The following INPP5F variants were observed in gnomAD, a reference collection of about 807,000 sequenced individuals.
INPP5F encodes phosphatidylinositide 4-phosphatase SAC2.
A neutral mutation model predicts 137.2 loss-of-function variants in INPP5F; 97 were observed. The ratio of observed to expected loss-of-function variants is 0.71; its 90% CI spans 0.60 to 0.84. The LOEUF is 0.84. Ranked by LOEUF, INPP5F falls within the 40% of genes least tolerant of loss-of-function variation. The probability of loss-of-function intolerance (pLI) is 0.00; values close to 1 mark genes in which losing one functional copy is unlikely to be tolerated. For missense variants in INPP5F, 1,271 were observed against 1,371.9 expected, an observed-to-expected ratio of 0.93 and a Z score of 1.16; for synonymous variants, 504 against 476.9, an observed-to-expected ratio of 1.06 and a Z score of -0.74.
At chr10:119,764,343 G>GCACA (rs71019713) in intron 2 of INPP5F, among the ~76,000 whole-genome samples, 2,386 of 150,842 alleles carry the variant, frequency 0.016, 67 homozygotes, top group African/African-American at 0.054. Flanking sequence ...ACAGGCGTGT[G>GCACA]CACACACACA....
intron 15 of INPP5F, 70 bp downstream of exon 15, chr10:119,812,025 G>A: frequency 8.2e-7 from 1 of 1,222,442 alleles, no homozygotes; most frequent in African/African-American, 1.5e-5. Flanking sequence ...GATTAACACT[G>A]GCAGTTGTCC....
chr10:119,798,441 G>T, intron 8 of INPP5F, 102 bp from the exon 9 acceptor site: 9 of 744,634 alleles, frequency 1.2e-5, no homozygotes, highest in South Asian at 3.8e-5. Flanking sequence ...AGTTCATTTG[G>T]GCTGTCAATA....
chr10:119,749,778 T>G lies in INPP5F; in HGVS notation c.98-1298T>G, dbSNP rs11199084. 1.6e-4 allele frequency among the ~76,000 whole-genome samples: 24 copies of G among 152,354 alleles called. No individual in the cohort carries two copies. In the East Asian group the frequency reaches 4.0e-3, roughly 26 times the overall value. ...AGCCTTTAAAAAATAAATTTCTTAT[T>G]TTGCTTTAATTCTTGCAATAAAAAC... On this transcript the variant is annotated intron_variant, in intron 1 of 19. Coordinates refer to ENST00000650623, the MANE Select transcript of INPP5F (RefSeq NM_014937.4).
At chr10:119,822,948 A>C (rs1423307562) in intron 17 of INPP5F, 123 bp from the exon 18 acceptor site, 1 of 927,854 alleles carries the variant, frequency 1.1e-6, no homozygotes, top group Non-Finnish European at 1.6e-6. Context: ...TGGTCACCAG[A>C]AGTTTGTATT....
intron 15 of INPP5F, among the ~76,000 whole-genome samples, chr10:119,813,021 T>C (rs970478198): frequency 2.0e-5 from 3 of 152,190 alleles, no homozygotes; most frequent in Admixed American, 1.3e-4. Flanking sequence ...TTTAAGAGGG[T>C]ATCAATATCA....
intron 15 of INPP5F, among the ~76,000 whole-genome samples, chr10:119,813,615 A>G (rs1851133989): frequency 6.6e-6 from 1 of 152,102 alleles, no homozygotes; most frequent in African/African-American, 2.4e-5. Flanking sequence ...ACAGAGTGAG[A>G]CCCTGTCTCA....
At position 119,726,192 on chromosome 10, in the gene INPP5F, C is replaced by T. The variant is rs1847877487; in HGVS notation, c.-71C>T. 4 of 970,056 alleles carry T rather than the reference C, an allele frequency of 4.1e-6. No homozygotes were observed. Among genetic ancestry groups the T allele is most frequent in the African/African-American group, 1.7e-5 (1 of 57,288 alleles). The allele number at this position is 970,056 out of a possible 1,614,324, so 60.1% of individuals were successfully genotyped here. ...CCGCTCCCCGAGGCGCGGGCTCTGGCGGCCTCGACCGACTAGGACGCCCCG... is the reference window on the plus strand; with the variant it reads ...CCGCTCCCCGAGGCGCGGGCTCTGGTGGCCTCGACCGACTAGGACGCCCCG... On this transcript the variant is annotated 5_prime_UTR_variant, in exon 1 of 20. Transcript: ENST00000650623.
At chr10:119,732,317 G>A (rs1040170551) in intron 1 of INPP5F, among the ~76,000 whole-genome samples, 4 of 151,742 alleles carry the variant, frequency 2.6e-5, no homozygotes, top group South Asian at 4.2e-4. Flanking sequence ...GATTGCAGGC[G>A]TGAGCCACCA....
chr10:119,813,839 A>C (rs987701782), intron 15 of INPP5F, among the ~76,000 whole-genome samples: 6 of 152,190 alleles, frequency 3.9e-5, no homozygotes, highest in African/African-American at 1.4e-4. Flanking sequence ...TCTTAAAAAA[A>C]GTCACCATTG....
At chr10:119,770,449 A>G (rs914740519) in intron 2 of INPP5F, among the ~76,000 whole-genome samples, 1 of 152,234 alleles carries the variant, frequency 6.6e-6, no homozygotes, top group Non-Finnish European at 1.5e-5. Flanking sequence ...GCCAAACAAT[A>G]GTGACGCTGT....
At chr10:119,813,072 G>A (rs1355133511) in intron 15 of INPP5F, among the ~76,000 whole-genome samples, 1 of 152,136 alleles carries the variant, frequency 6.6e-6, no homozygotes, top group Non-Finnish European at 1.5e-5. Flanking sequence ...GTGTTTTTGT[G>A]TCTACTTTGG....
intron 9 of INPP5F, among the ~76,000 whole-genome samples, chr10:119,801,051 C>T (rs75499257): frequency 0.011 from 1,702 of 150,592 alleles, 20 homozygotes; most frequent in Non-Finnish European, 0.016. Context: ...CTGAGAGAAA[C>T]ATATTCAGTC....
chr10:119,769,157 G>T (rs1849263713), intron 2 of INPP5F, among the ~76,000 whole-genome samples: 1 of 152,168 alleles, frequency 6.6e-6, no homozygotes, highest in Non-Finnish European at 1.5e-5. Context: ...AAAAATGATT[G>T]CTGGACATGC....
intron 15 of INPP5F, chr10:119,819,334 C>T (rs991336052): frequency 6.0e-5 from 68 of 1,124,360 alleles, no homozygotes; most frequent in Non-Finnish European, 6.2e-5. Flanking sequence ...TGACATTTTC[C>T]GACTGCCTGT....
At chr10:119,749,940 G>A (rs1848645100) in intron 1 of INPP5F, among the ~76,000 whole-genome samples, 1 of 152,030 alleles carries the variant, frequency 6.6e-6, no homozygotes, top group South Asian at 2.1e-4. Context: ...CACCATGCCT[G>A]GCTAATTTTT....
intron 1 of INPP5F, among the ~76,000 whole-genome samples, chr10:119,734,444 G>A (rs545405487): frequency 1.7e-4 from 26 of 152,282 alleles, no homozygotes; most frequent in Middle Eastern, 3.4e-3. Context: ...AGGGTAATGA[G>A]TTTGGAAAGT....
intron 2 of INPP5F, among the ~76,000 whole-genome samples, chr10:119,779,768 C>T (rs1163377599): frequency 6.6e-6 from 1 of 152,126 alleles, no homozygotes; most frequent in Non-Finnish European, 1.5e-5. Context: ...CTTACTGTAA[C>T]TTTTCTACTT....
chr10:119,770,263 A>G (rs1341158218), intron 2 of INPP5F, among the ~76,000 whole-genome samples: 1 of 152,164 alleles, frequency 6.6e-6, no homozygotes, highest in East Asian at 1.9e-4. Flanking sequence ...ATGCCATCAG[A>G]CCTTGCTAGA....
Position 119,751,072 on chromosome 10 carries a change from T to G in INPP5F, c.98-4T>G. The G allele has an allele frequency of 1.9e-6, 3 of 1,585,676 alleles. No individual in the cohort carries two copies. Among genetic ancestry groups the G allele is most frequent in the Non-Finnish European group, 2.6e-6 (3 of 1,154,120 alleles). On this transcript the variant is annotated splice_polypyrimidine_tract_variant and splice_region_variant and intron_variant, in intron 1 of 19. Transcript: ENST00000650623. ...TCTCATCACTGCTTCCTATTTTATTTTAGCTACTGATCTACTTCTTGCCTG... is the reference window on the plus strand; with the variant it reads ...TCTCATCACTGCTTCCTATTTTATTGTAGCTACTGATCTACTTCTTGCCTG...
Sources: allele counts gnomAD v4.1 joint callset (sites outside exome capture counted in the v4.1 genomes callset), GRCh38; gene constraint gnomAD v4.1.1; transcripts MANE v1.5; gene names NCBI Gene and HGNC (gene_info 2026-07-23, HGNC 2026-07-21).